PEPD: variants seen among roughly 807,000 people sequenced by gnomAD.
PEPD encodes peptidase D.
Under a neutral mutation model 60.7 loss-of-function variants are expected in PEPD, and 53 were observed. That is an observed-to-expected ratio of 0.87 (90% CI 0.70 to 1.10). The LOEUF (loss-of-function observed/expected upper bound fraction) is 1.10, where lower values mean the gene tolerates loss of function less well. Among genes scored for constraint, PEPD ranks in the 50% least tolerant of loss-of-function variants. The pLI, the probability that PEPD is intolerant of heterozygous loss-of-function variation, is 0.00. For synonymous variants in PEPD, 267 were observed against 284.1 expected (o/e 0.94, Z 0.60); for missense variants, 711 against 711.9 (o/e 1.00, Z 0.01).
Position 33,518,659 on chromosome 19 carries a change from T to C in PEPD, c.17+3085A>G, listed in dbSNP as rs548058746. On this transcript the variant is annotated intron_variant, in intron 1 of 14. Transcript: ENST00000244137. ...CTCCCAGGAAAGCAGGATGGGATGC[T>C]GGACTAATTTAGAGTAAATCCCCTT... is the stretch of plus-strand genomic sequence containing the variant. Among the ~76,000 whole-genome samples, 16 of 152,300 alleles carry C rather than the reference T, an allele frequency of 1.1e-4. No individual in the cohort carries two copies. The South Asian group carries it at 1.9e-3, about 18-fold the overall frequency.
intron 3 of PEPD, among the ~76,000 whole-genome samples, chr19:33,502,477 C>T (rs1970730326): frequency 6.6e-6 from 1 of 152,168 alleles, no homozygotes; most frequent in Non-Finnish European, 1.5e-5. Context: ...ACTTTCCACA[C>T]CTAAGTAACA....
At chr19:33,501,131 A>G in intron 3 of PEPD, 130 bp from the exon 4 acceptor site, 1 of 739,078 alleles carries the variant, frequency 1.4e-6, no homozygotes, top group Non-Finnish European at 2.5e-6. Context: ...CCCAGCACCC[A>G]GCACCCGGCA....
At chr19:33,492,618 T>C (rs915285393) in intron 5 of PEPD, among the ~76,000 whole-genome samples, 4 of 152,218 alleles carry the variant, frequency 2.6e-5, no homozygotes, top group African/African-American at 9.6e-5. Context: ...TGCTATCAAA[T>C]ACCAGATCTG....
At chr19:33,414,542 C>T (rs1968847214) in intron 9 of PEPD, among the ~76,000 whole-genome samples, 1 of 152,190 alleles carries the variant, frequency 6.6e-6, no homozygotes, top group Non-Finnish European at 1.5e-5. Context: ...TGCCGGACCA[C>T]AGCTGGTCCA....
At chr19:33,441,440 C>T (rs1203884534) in intron 9 of PEPD, among the ~76,000 whole-genome samples, 3 of 152,246 alleles carry the variant, frequency 2.0e-5, no homozygotes, top group African/African-American at 7.2e-5. Context: ...AATACGGCCG[C>T]CTGCAAGAGT....
intron 7 of PEPD, among the ~76,000 whole-genome samples, chr19:33,474,895 G>A (rs532144334): frequency 2.0e-5 from 3 of 151,196 alleles, no homozygotes; most frequent in East Asian, 2.0e-4. Context: ...TGGGAGGATC[G>A]CCTGAGCCCA....
chr19:33,497,575 A>G (rs1040696104), intron 4 of PEPD, among the ~76,000 whole-genome samples: 2 of 152,208 alleles, frequency 1.3e-5, no homozygotes, highest in Non-Finnish European at 2.9e-5. Context: ...CAGCCATGGC[A>G]CTGGAGGCCT....
chr19:33,435,627 G>A (rs1969360953), intron 9 of PEPD, among the ~76,000 whole-genome samples: 1 of 152,246 alleles, frequency 6.6e-6, no homozygotes. Context: ...CTGGCCTCAG[G>A]TGCTGCGCTT....
At chr19:33,480,084 T>C (rs1970286651) in intron 6 of PEPD, among the ~76,000 whole-genome samples, 1 of 152,216 alleles carries the variant, frequency 6.6e-6, no homozygotes, top group Admixed American at 6.5e-5. Flanking sequence ...CATCTGTTAC[T>C]TTTTGACTTT....
At chr19:33,512,433 AC>A (rs1970944035) in intron 2 of PEPD, among the ~76,000 whole-genome samples, 159 bp downstream of exon 2, 1 of 152,066 alleles carries the variant, frequency 6.6e-6, no homozygotes, top group Non-Finnish European at 1.5e-5. Context: ...TTCAAGTTCT[AC>A]ATCTTCAAGG....
chr19:33,453,896 C>G (rs537369423), intron 9 of PEPD, among the ~76,000 whole-genome samples: 1 of 152,220 alleles, frequency 6.6e-6, no homozygotes, highest in South Asian at 2.1e-4. Flanking sequence ...TCTACCCACT[C>G]TACTATACTG....
In PEPD at chr19:33,500,141, G is replaced by A. The variant is rs566753036; in HGVS notation, c.393+797C>T. On this transcript the variant is annotated intron_variant, in intron 4 of 14. Transcript: ENST00000244137. ...CTGCCAGGTCCAGGTTGGACTCCCA[G>A]TGGCAGGCATTGACTTCTGGGTGCT... 5.9e-5 allele frequency among the ~76,000 whole-genome samples: 9 copies of A among 152,386 alleles called. 1 individual carries two copies. Among genetic ancestry groups the A allele is most frequent in the African/African-American group, 1.9e-4 (8 of 41,598 alleles).
At chr19:33,438,566 T>TG (rs1257737564) in intron 9 of PEPD, among the ~76,000 whole-genome samples, 1 of 152,130 alleles carries the variant, frequency 6.6e-6, no homozygotes, top group African/African-American at 2.4e-5. Context: ...CCTGAGGTGA[T>TG]GGGGGGCGGG....
At chr19:33,520,067 A>G (rs1971102869) in intron 1 of PEPD, among the ~76,000 whole-genome samples, 1 of 151,520 alleles carries the variant, frequency 6.6e-6, no homozygotes, top group Non-Finnish European at 1.5e-5. Flanking sequence ...TACGTCTCAA[A>G]AAAAAAAAAA....
At chr19:33,388,233 G>A in intron 13 of PEPD, 152 bp from the exon 14 acceptor site, 1 of 724,668 alleles carries the variant, frequency 1.4e-6, no homozygotes, top group Non-Finnish European at 2.5e-6. Context: ...GCTGTGCTGG[G>A]CCATGGGCAC....
At position 33,511,068 on chromosome 19, in the gene PEPD, C is replaced by A; in HGVS notation, c.289G>T (p.Val97Leu). 1 of 1,614,004 alleles carries A rather than the reference C, an allele frequency of 6.2e-7. No individual in the cohort carries two copies. Among genetic ancestry groups the A allele is most frequent in the Non-Finnish European group, 8.5e-7 (1 of 1,179,966 alleles). ...GCATGGCTGGCAGGAAGCCTGGGCA[C>A]AAACAGGGTCGACTTCCCAGTGTCA... ...DVDTGKSTLF[V>L]PRLPASHATW... is the part of the protein sequence containing the mutation. The change falls in exon 3 of 15, where the codon GTG becomes TTG. Residue 97 changes from valine (V) to leucine (L), a missense_variant. Coordinates refer to ENST00000244137, the MANE Select transcript of PEPD (RefSeq NM_000285.4).
intron 9 of PEPD, among the ~76,000 whole-genome samples, chr19:33,453,321 T>TAAATAAAA (rs1969733065): frequency 8.2e-6 from 1 of 122,000 alleles, no homozygotes; most frequent in Admixed American, 8.4e-5. Flanking sequence ...CATAAAAAAA[T>TAAATAAAA]AAATAAATAA....
chr19:33,442,427 G>C (rs1017272597), intron 9 of PEPD, among the ~76,000 whole-genome samples: 1 of 149,614 alleles, frequency 6.7e-6, no homozygotes, highest in African/African-American at 2.5e-5. Context: ...AAGCCTGGGC[G>C]CGGTGGCTCA....
At chr19:33,398,452 C>A (rs1466007113) in intron 12 of PEPD, among the ~76,000 whole-genome samples, 3 of 152,224 alleles carry the variant, frequency 2.0e-5, no homozygotes, top group African/African-American at 7.2e-5. Flanking sequence ...GGGAGGCCAG[C>A]CCTGTACGTG....
Sources: gnomAD v4.1 joint callset for allele counts (sites outside exome capture counted in the v4.1 genomes callset) on GRCh38, gnomAD v4.1.1 for gene constraint, MANE v1.5 for transcripts, NCBI Gene and HGNC (gene_info 2026-07-23, HGNC 2026-07-21) for gene names.